The following NTN1 variants were observed in gnomAD, a reference collection of about 807,000 sequenced individuals.
NTN1 encodes netrin-1.
Under a neutral mutation model 54.2 loss-of-function variants are expected in NTN1, and 11 were observed. The ratio of observed to expected loss-of-function variants is 0.20; its 90% CI spans 0.13 to 0.34. The LOEUF is 0.34. Among genes scored for constraint, NTN1 ranks in the 10% least tolerant of loss-of-function variants. The pLI, the probability that NTN1 is intolerant of heterozygous loss-of-function variation, is 1.00. For missense variants in NTN1, 740 were observed against 893.1 expected (o/e 0.83, Z 2.18); for synonymous variants, 371 against 382.0 (o/e 0.97, Z 0.33).
chr17:9,055,098 C>T (rs900287282), intron 2 of NTN1, among the ~76,000 whole-genome samples: 5 of 152,082 alleles, frequency 3.3e-5, no homozygotes, highest in African/African-American at 9.7e-5. Context: ...CCTCTCTGAG[C>T]GAAGGGCAAC....
At chr17:9,057,990 C>G (rs1048838837) in intron 2 of NTN1, among the ~76,000 whole-genome samples, 1 of 152,202 alleles carries the variant, frequency 6.6e-6, no homozygotes, top group South Asian at 2.1e-4. Context: ...TGGATTCTAG[C>G]GATTCTCCTG....
intron 6 of NTN1, among the ~76,000 whole-genome samples, chr17:9,231,543 A>T (rs1024451673): frequency 2.0e-5 from 3 of 152,154 alleles, no homozygotes; most frequent in African/African-American, 7.2e-5. Context: ...CTAACCCCAC[A>T]CGGGACAGGG....
chr17:9,162,262 A>G (rs565487669), intron 2 of NTN1, among the ~76,000 whole-genome samples: 1 of 152,340 alleles, frequency 6.6e-6, no homozygotes, highest in South Asian at 2.1e-4. Flanking sequence ...CTCAGCTGCT[A>G]CAACAAAGTG....
intron 2 of NTN1, among the ~76,000 whole-genome samples, chr17:9,129,221 G>A (rs34578684): frequency 0.07 from 10,595 of 152,070 alleles, 457 homozygotes; most frequent in East Asian, 0.13. Flanking sequence ...TGCTGGGGAC[G>A]CCATTCAGGG....
At chr17:9,058,431 A>G (rs1398099345) in intron 2 of NTN1, among the ~76,000 whole-genome samples, 1 of 152,152 alleles carries the variant, frequency 6.6e-6, no homozygotes, top group Non-Finnish European at 1.5e-5. Flanking sequence ...ATCCTATTGA[A>G]TGCCGTGTAG....
chr17:9,099,260 C>T (rs2092141655), intron 2 of NTN1, among the ~76,000 whole-genome samples: 1 of 152,168 alleles, frequency 6.6e-6, no homozygotes, highest in African/African-American at 2.4e-5. Context: ...AAAAAGTTAG[C>T]TGGGTGTGGT....
At chr17:9,156,983 T>C (rs1456218213) in intron 2 of NTN1, among the ~76,000 whole-genome samples, 1 of 134,636 alleles carries the variant, frequency 7.4e-6, no homozygotes, top group Non-Finnish European at 1.6e-5. Flanking sequence ...CACCCACCTA[T>C]CAACCCCATC....
chr17:9,084,297 C>T (rs2092083098), intron 2 of NTN1, among the ~76,000 whole-genome samples: 1 of 152,144 alleles, frequency 6.6e-6, no homozygotes, highest in Non-Finnish European at 1.5e-5. Context: ...CTGTGGCTTT[C>T]ACTAACATGC....
chr17:9,027,426 A>T (rs1420466715), intron 2 of NTN1, among the ~76,000 whole-genome samples: 1 of 152,152 alleles, frequency 6.6e-6, no homozygotes, highest in East Asian at 1.9e-4. Flanking sequence ...TAAGTCACAT[A>T]GCTACTGGGT....
chr17:9,140,552 GC>G (rs1292599437), intron 2 of NTN1, among the ~76,000 whole-genome samples: 1 of 152,202 alleles, frequency 6.6e-6, no homozygotes. Context: ...ATGACAGTGA[GC>G]CCCTGTTTGA....
chr17:9,015,350 G>A, the NTN1 span, among the ~76,000 whole-genome samples: 1 of 152,154 alleles, frequency 6.6e-6, no homozygotes, highest in Non-Finnish European at 1.5e-5. Flanking sequence ...GGCAGAGGCT[G>A]CAATGAGCCA....
chr17:9,134,850 C>T (rs1434447144), intron 2 of NTN1, among the ~76,000 whole-genome samples: 1 of 152,140 alleles, frequency 6.6e-6, no homozygotes, highest in Non-Finnish European at 1.5e-5. Context: ...ATGAACCTAC[C>T]AGGACTTCTC....
At chr17:9,178,545 C>T (rs1051546415) in intron 3 of NTN1, among the ~76,000 whole-genome samples, 39 of 152,376 alleles carry the variant, frequency 2.6e-4, no homozygotes, top group African/African-American at 8.9e-4. Context: ...CACAGACTCC[C>T]GTGCTCACGC....
At chr17:9,102,326 A>G (rs939723512) in intron 2 of NTN1, among the ~76,000 whole-genome samples, 4 of 68,998 alleles carry the variant, frequency 5.8e-5, no homozygotes, top group African/African-American at 1.8e-4. Context: ...GGGGGAGCAA[A>G]CATGTCCTTC....
rs139018095 is a variant in NTN1 at position 9,073,865 on chromosome 17, C to A, written c.1018+50474C>A. ...CTGTTGGGGATTCTTGGCCCTCTTT[C>A]GCGCAGTGAGTTCAGCACTCCCTCT... is the stretch of plus-strand genomic sequence containing the variant. On this transcript the variant is annotated intron_variant, in intron 2 of 6. Coordinates refer to ENST00000173229, the MANE Select transcript of NTN1 (RefSeq NM_004822.3). Among the ~76,000 whole-genome samples, 531 of 152,302 alleles carry A rather than the reference C, an allele frequency of 3.5e-3. 4 individuals carry two copies. Among genetic ancestry groups the A allele is most frequent in the African/African-American group, 0.012 (510 of 41,556 alleles).
the NTN1 span, among the ~76,000 whole-genome samples, chr17:9,009,021 A>C: frequency 6.6e-6 from 1 of 152,218 alleles, no homozygotes; most frequent in African/African-American, 2.4e-5. Context: ...AGCCAGGGTG[A>C]CAGAGTAAGA....
chr17:9,169,984 G>A (rs1239781122), intron 3 of NTN1, among the ~76,000 whole-genome samples: 1 of 152,240 alleles, frequency 6.6e-6, no homozygotes, highest in Non-Finnish European at 1.5e-5. Context: ...TTTGGCCAGA[G>A]CGTTAAGGGC....
chr17:9,139,796 C>G (rs1452542309), intron 2 of NTN1, among the ~76,000 whole-genome samples: 1 of 151,912 alleles, frequency 6.6e-6, no homozygotes, highest in Admixed American at 6.6e-5. Context: ...CCTACCTACT[C>G]ACTTATCCAT....
chr17:9,090,445 A>G (rs1004591374), intron 2 of NTN1, among the ~76,000 whole-genome samples: 1 of 152,076 alleles, frequency 6.6e-6, no homozygotes, highest in Non-Finnish European at 1.5e-5. Context: ...GAGTGCTGGG[A>G]TTACAGGTGT....
Sources: gnomAD v4.1 joint callset for allele counts (sites outside exome capture counted in the v4.1 genomes callset) on GRCh38, gnomAD v4.1.1 for gene constraint, MANE v1.5 for transcripts, NCBI Gene and HGNC (gene_info 2026-07-23, HGNC 2026-07-21) for gene names.